SRRM1: variants seen among roughly 807,000 people sequenced by gnomAD.
SRRM1 encodes the protein serine and arginine repetitive matrix 1.
A neutral mutation model predicts 110.2 loss-of-function variants in SRRM1; 19 were observed. That is an observed-to-expected ratio of 0.17 (90% CI 0.12 to 0.25). The LOEUF (loss-of-function observed/expected upper bound fraction) is 0.25, where lower values mean the gene tolerates loss of function less well. Ranked by LOEUF, SRRM1 falls within the 10% of genes least tolerant of loss-of-function variation. The probability of loss-of-function intolerance (pLI) is 1.00; values close to 1 mark genes in which losing one functional copy is unlikely to be tolerated. For synonymous variants in SRRM1, 443 were observed against 414.9 expected, an observed-to-expected ratio of 1.07 and a Z score of -0.82; for missense variants, 918 against 1,145.8, an observed-to-expected ratio of 0.80 and a Z score of 2.87.
At chr1:24,649,647 GA>G (rs1371955617) in intron 4 of SRRM1, among the ~76,000 whole-genome samples, 1 of 152,200 alleles carries the variant, frequency 6.6e-6, no homozygotes, top group African/African-American at 2.4e-5. Context: ...TGAACTCCCA[GA>G]AAGAATAAGG....
At chr1:24,658,241 T>G (rs531821877) in intron 9 of SRRM1, among the ~76,000 whole-genome samples, 1 of 147,262 alleles carries the variant, frequency 6.8e-6, no homozygotes, top group African/African-American at 2.7e-5. Context: ...GACGGAGTCT[T>G]GCTCTGTCGC....
At chr1:24,661,960 C>T (rs1667468370) in intron 11 of SRRM1, among the ~76,000 whole-genome samples, 1 of 152,100 alleles carries the variant, frequency 6.6e-6, no homozygotes, top group African/African-American at 2.4e-5. Flanking sequence ...GTGGCGCACA[C>T]CTGTAATCCC....
At chr1:24,663,189 G>A in intron 12 of SRRM1, 2 of 1,516,464 alleles carry the variant, frequency 1.3e-6, no homozygotes, top group Non-Finnish European at 1.8e-6. Flanking sequence ...TCAGGATGCA[G>A]ATGGGAAAGC....
At chr1:24,665,429 CAA>C (rs1217512447) in intron 12 of SRRM1, among the ~76,000 whole-genome samples, 83 of 104,720 alleles carry the variant, frequency 7.9e-4, no homozygotes, top group Non-Finnish European at 1.2e-3. Flanking sequence ...AACTCCGTCT[CAA>C]AAAAAAAAAA....
chr1:24,649,060 T>C, intron 4 of SRRM1, 31 bp downstream of exon 4: 1 of 1,598,372 alleles, frequency 6.3e-7, no homozygotes, highest in South Asian at 1.1e-5. Context: ...GTAATGTCGA[T>C]TTGAGAGTAT....
chr1:24,652,233 G>A (rs1316176212), intron 6 of SRRM1, among the ~76,000 whole-genome samples: 2 of 150,614 alleles, frequency 1.3e-5, no homozygotes, highest in African/African-American at 4.9e-5. Flanking sequence ...AAGAAGAAAA[G>A]AAAATGTACA....
chr1:24,666,246 A>G (rs977253963), intron 12 of SRRM1, among the ~76,000 whole-genome samples: 4 of 152,226 alleles, frequency 2.6e-5, no homozygotes, highest in African/African-American at 9.6e-5. Flanking sequence ...GATCCAGAGT[A>G]AAAGAAAAAT....
At position 24,652,586 on chromosome 1, in the gene SRRM1, C is replaced by A; in HGVS notation, c.878C>A (p.Pro293His). The A allele has an allele frequency of 6.2e-7, 1 of 1,612,976 alleles. No homozygotes were observed. The highest frequency in any genetic ancestry group is 8.5e-7 in the Non-Finnish European group (1 of 1,179,628). ...AGATCCCGGACGCGGTCCCGCTCTCCTTCTCACACTCGACCTAGACGGCGC... is the reference window on the plus strand; with the variant it reads ...AGATCCCGGACGCGGTCCCGCTCTCATTCTCACACTCGACCTAGACGGCGC... ...KSRSRTRSRS[P>H]SHTRPRRRHR... Residue 293 changes from proline (P) to histidine (H), a missense_variant, in exon 7 of 17, where the codon CCT becomes CAT. Physicochemically the swap from Pro to His is moderately conservative, Grantham distance 77. Around this residue, in one of 5 missense-constraint regions of SRRM1, gnomAD observed 456 missense variants for 453.5 expected, o/e 1.01. Transcript: ENST00000323848.
In SRRM1 at chr1:24,662,709, T is replaced by C. The variant is rs2148615572; in HGVS notation, c.1533T>C (p.His511=). 1.2e-6 allele frequency: 2 copies of C among 1,614,132 alleles called. No individual in the cohort carries two copies. Among genetic ancestry groups the C allele is most frequent in the Non-Finnish European group, 8.5e-7 (1 of 1,180,026 alleles). ...AAGATGAACGACCCAAGAGATCCCA[T>C]GTGAAGAATGGTGAGGTTGGCAGGC... ...SSEDERPKRS[H]VKNGEVGRRR... is the part of the protein sequence containing the mutation. The change falls in exon 12 of 17, where the codon CAT becomes CAC. Residue 511 remains histidine (H), a synonymous_variant. Transcript: ENST00000323848.
In SRRM1 at chr1:24,671,398, G is replaced by A. The variant is rs1672682071; in HGVS notation, c.2413G>A (p.Glu805Lys). ...SPSPPRNSDQEGGGKKKKKKK... is the reference protein window; with the variant it reads ...SPSPPRNSDQKGGGKKKKKKK... ...TTTTTCTTCCTAGAATTCAGATCAG[G>A]AAGGAGGTGGAAAGAAAAAGAAGAA... The change falls in exon 16 of 17, where the codon GAA becomes AAA. Residue 805 changes from glutamate (E) to lysine (K), a missense_variant. This residue lies in a region of SRRM1 where 62 missense variants were observed against 127.6 expected (regional missense o/e 0.49). Coordinates refer to ENST00000323848, the MANE Select transcript of SRRM1 (RefSeq NM_005839.4). The A allele has an allele frequency of 6.2e-7, 1 of 1,609,740 alleles. No homozygotes were observed.
intron 2 of SRRM1, among the ~76,000 whole-genome samples, chr1:24,646,353 C>T (rs551842877): frequency 3.3e-5 from 5 of 152,020 alleles, no homozygotes; most frequent in Non-Finnish European, 7.4e-5. Context: ...CGGTGAAACC[C>T]TGTCTCTACT....
chr1:24,666,918 C>G lies in SRRM1; in HGVS notation c.1732C>G (p.Arg578Gly). ...RRRRTPTPPP[R>G]RRTPSPPPRR... ...GCGCAGGACTCCCACACCACCACCACGACGAAGGTACTTTGTCAAATATGC... is the reference window on the plus strand; with the variant it reads ...GCGCAGGACTCCCACACCACCACCAGGACGAAGGTACTTTGTCAAATATGC... The change falls in exon 13 of 17, where the codon CGA becomes GGA. Residue 578 changes from arginine (R) to glycine (G), a missense_variant. Physicochemically the swap from Arg to Gly is moderately radical, Grantham distance 125. Coordinates refer to ENST00000323848, the MANE Select transcript of SRRM1 (RefSeq NM_005839.4). 6.2e-7 allele frequency: 1 copy of G among 1,602,694 alleles called. No individual in the cohort carries two copies. The highest frequency in any genetic ancestry group is 8.5e-7 in the Non-Finnish European group (1 of 1,176,054).
intron 1 of SRRM1, 105 bp downstream of exon 1, chr1:24,643,452 G>A (rs1654909740): frequency 3.6e-6 from 3 of 839,566 alleles, no homozygotes; most frequent in Admixed American, 4.4e-5. Flanking sequence ...GAGCTTCGGA[G>A]ATCTTAAGGA....
At chr1:24,659,862 C>G (rs745478109) in intron 9 of SRRM1, among the ~76,000 whole-genome samples, 2 of 152,212 alleles carry the variant, frequency 1.3e-5, no homozygotes, top group Admixed American at 6.5e-5. Flanking sequence ...TCTCCTACTA[C>G]TTGAGGTATA....
chr1:24,656,579 T>C (rs1037149090), intron 9 of SRRM1, among the ~76,000 whole-genome samples: 3 of 152,208 alleles, frequency 2.0e-5, no homozygotes, highest in Non-Finnish European at 4.4e-5. Context: ...CATGTCCAAA[T>C]CTGATGCCCA....
At chr1:24,653,420 T>C (rs988994301) in intron 8 of SRRM1, among the ~76,000 whole-genome samples, 1 of 152,238 alleles carries the variant, frequency 6.6e-6, no homozygotes. Flanking sequence ...TTTGCTGTTA[T>C]ACTTTGAGAA....
rs769052706 is a variant in SRRM1, at chr1:24,649,049, T to C, written c.405+20T>C. On this transcript the variant is annotated intron_variant, in intron 4 of 16. Coordinates refer to ENST00000323848, the MANE Select transcript of SRRM1 (RefSeq NM_005839.4). Reference sequence around the variant, plus strand: ...AGACAGGTAATAACCTTTTCTTTTCTGTAATGTCGATTTGAGAGTATTGGC... The same window carrying C: ...AGACAGGTAATAACCTTTTCTTTTCCGTAATGTCGATTTGAGAGTATTGGC... The C allele has an allele frequency of 2.5e-6, 4 of 1,606,790 alleles. No individual in the cohort carries two copies. The highest frequency in any genetic ancestry group is 2.2e-5 in the East Asian group (1 of 44,856).
intron 5 of SRRM1, chr1:24,650,623 G>GA (rs1199565121): frequency 1.3e-5 from 2 of 152,200 alleles, no homozygotes; most frequent in African/African-American, 4.8e-5. Flanking sequence ...TATTTGTGGT[G>GA]AAAGGTGAGA....
At chr1:24,643,641 G>T (rs1036302939) in intron 1 of SRRM1, 3 of 383,032 alleles carry the variant, frequency 7.8e-6, no homozygotes, top group African/African-American at 2.1e-5. Context: ...GGCGGGGCCT[G>T]CAGGCCGAGC....
Sources: gnomAD v4.1 joint callset for allele counts (sites outside exome capture counted in the v4.1 genomes callset) on GRCh38, gnomAD v4.1.1 for gene constraint, gnomAD v4.1.1 regional missense constraint, MANE v1.5 for transcripts, NCBI Gene and HGNC (gene_info 2026-07-23, HGNC 2026-07-21) for gene names.